The following GNAQ variants were observed in gnomAD, a reference collection of about 807,000 sequenced individuals.
GNAQ encodes the protein guanine nucleotide-binding protein G(q) subunit alpha.
A neutral mutation model predicts 43.9 loss-of-function variants in GNAQ; 8 were observed. The ratio of observed to expected loss-of-function variants is 0.18; its 90% CI spans 0.11 to 0.33. The LOEUF is 0.33. Among genes scored for constraint, GNAQ ranks in the 10% least tolerant of loss-of-function variants. The probability of loss-of-function intolerance (pLI) is 1.00; values close to 1 mark genes in which losing one functional copy is unlikely to be tolerated. For synonymous variants in GNAQ, 155 were observed against 170.7 expected, an observed-to-expected ratio of 0.91 and a Z score of 0.71; for missense variants, 158 against 450.8, an observed-to-expected ratio of 0.35 and a Z score of 5.88.
At chr9:78,009,472 A>C (rs1219965592) in intron 1 of GNAQ, among the ~76,000 whole-genome samples, 1 of 152,212 alleles carries the variant, frequency 6.6e-6, no homozygotes, top group Non-Finnish European at 1.5e-5. Flanking sequence ...CAAGTGGTGA[A>C]GTCAAATGTG....
At chr9:77,881,294 C>T (rs28449761) in intron 2 of GNAQ, among the ~76,000 whole-genome samples, 1,995 of 152,326 alleles carry the variant, frequency 0.013, 56 homozygotes, top group African/African-American at 0.046. Flanking sequence ...TGTTCACTGA[C>T]GTATCCCAAG....
chr9:77,868,267 T>C (rs562365775), intron 2 of GNAQ, among the ~76,000 whole-genome samples: 9 of 152,338 alleles, frequency 5.9e-5, no homozygotes, highest in South Asian at 2.1e-4. Context: ...ACATTCTTGG[T>C]GTTCAGTATT....
intron 2 of GNAQ, among the ~76,000 whole-genome samples, chr9:77,896,960 C>T (rs1216406939): frequency 6.6e-6 from 1 of 152,208 alleles, no homozygotes; most frequent in African/African-American, 2.4e-5. Context: ...TTTTGTCCTC[C>T]AGAAGTTATC....
At chr9:77,806,812 A>G (rs1209606791) in intron 3 of GNAQ, among the ~76,000 whole-genome samples, 1 of 152,256 alleles carries the variant, frequency 6.6e-6, no homozygotes, top group Non-Finnish European at 1.5e-5. Flanking sequence ...CAAAGAAAAA[A>G]GGACACAAAT....
intron 1 of GNAQ, among the ~76,000 whole-genome samples, chr9:77,996,624 G>A (rs534347030): frequency 6.9e-6 from 1 of 143,924 alleles, no homozygotes; most frequent in African/African-American, 2.6e-5. Context: ...CTTGCAGTGA[G>A]CTGAGATCGC....
intron 2 of GNAQ, among the ~76,000 whole-genome samples, chr9:77,850,416 G>A (rs2117921448): frequency 6.6e-6 from 1 of 152,120 alleles, no homozygotes; most frequent in East Asian, 1.9e-4. Flanking sequence ...CTGGGTCTGG[G>A]CCTCATTCTC....
chr9:77,811,748 C>G (rs2118500724), intron 3 of GNAQ, among the ~76,000 whole-genome samples: 1 of 152,290 alleles, frequency 6.6e-6, no homozygotes, highest in South Asian at 2.1e-4. Context: ...CTCGGGCCTC[C>G]TGGCACAGTG....
rs978526431 is a variant in GNAQ at position 77,931,517 on chromosome 9, G to A, written c.137-9172C>T. Reference sequence around the variant, plus strand: ...GAGGCAGGAGGATGGCGTGAGCCCCGGAGACGTAGTATACAGTGAGCCGAG... The same window carrying A: ...GAGGCAGGAGGATGGCGTGAGCCCCAGAGACGTAGTATACAGTGAGCCGAG... On this transcript the variant is annotated intron_variant, in intron 1 of 6. Transcript: ENST00000286548. Among the ~76,000 whole-genome samples, 12 of 152,020 alleles carry A rather than the reference G, an allele frequency of 7.9e-5. No individual in the cohort carries two copies. In the East Asian group the frequency reaches 1.2e-3, roughly 15 times the overall value.
intron 2 of GNAQ, among the ~76,000 whole-genome samples, chr9:77,837,992 G>T (rs749480121): frequency 1.5e-4 from 23 of 152,002 alleles, no homozygotes; most frequent in Non-Finnish European, 2.2e-4. Context: ...TGAGTAGCTG[G>T]AACTACAGGT....
At chr9:78,016,863 G>A (rs1224305414) in intron 1 of GNAQ, among the ~76,000 whole-genome samples, 1 of 152,048 alleles carries the variant, frequency 6.6e-6, no homozygotes, top group Non-Finnish European at 1.5e-5. Context: ...TCAATAAAAT[G>A]CAAATAAACA....
intron 1 of GNAQ, among the ~76,000 whole-genome samples, chr9:77,965,996 T>C (rs1823162696): frequency 6.6e-6 from 1 of 152,050 alleles, no homozygotes; most frequent in South Asian, 2.1e-4. Flanking sequence ...AAAATATGTC[T>C]CAGCAAAAAG....
intron 5 of GNAQ, among the ~76,000 whole-genome samples, chr9:77,753,857 A>G (rs1408575405): frequency 1.3e-5 from 2 of 152,186 alleles, no homozygotes; most frequent in East Asian, 3.9e-4. Context: ...AAAGCTCATA[A>G]GACAGTGGGA....
chr9:77,833,049 CT>C lies in GNAQ; in HGVS notation c.322-17280del, dbSNP rs575027977. ...AGGCACGATCTCGGCTCACTGCAAC[CT>C]CTGCCTCCCGGGTTCAAGCAATTCT... On this transcript the variant is annotated intron_variant, in intron 2 of 6. Coordinates refer to ENST00000286548, the MANE Select transcript of GNAQ (RefSeq NM_002072.5). 7.0e-3 allele frequency among the ~76,000 whole-genome samples: 1,064 copies of C among 152,302 alleles called. 17 individuals are homozygous for C. The highest frequency in any genetic ancestry group is 9.6e-3 in the Non-Finnish European group (652 of 68,022).
At chr9:77,760,633 T>C (rs998370952) in intron 5 of GNAQ, among the ~76,000 whole-genome samples, 9 of 152,068 alleles carry the variant, frequency 5.9e-5, no homozygotes, top group Admixed American at 1.3e-4. Context: ...CGCCACCCCG[T>C]CTAGGAAGTG....
intron 5 of GNAQ, among the ~76,000 whole-genome samples, chr9:77,739,421 G>A (rs1192934318): frequency 2.0e-5 from 3 of 152,138 alleles, no homozygotes; most frequent in African/African-American, 7.2e-5. Flanking sequence ...TTTGTATGCA[G>A]TCTTTATATA....
chr9:77,803,702 A>T (rs949205149), intron 3 of GNAQ, among the ~76,000 whole-genome samples: 1 of 152,262 alleles, frequency 6.6e-6, no homozygotes, highest in Non-Finnish European at 1.5e-5. Context: ...ACATAAAAAC[A>T]AGAATGGTGA....
At chr9:77,872,600 A>G (rs1047254191) in intron 2 of GNAQ, among the ~76,000 whole-genome samples, 3 of 152,172 alleles carry the variant, frequency 2.0e-5, no homozygotes, top group Non-Finnish European at 4.4e-5. Flanking sequence ...GCAGATTTTA[A>G]CACATCTCAG....
Position 77,719,446 on chromosome 9 carries a change from T to C in GNAQ, c.*1877A>G, listed in dbSNP as rs574101952. 4.3e-5 allele frequency: 10 copies of C among 232,674 alleles called. No homozygotes were observed. The South Asian group carries it at 1.8e-3, about 42-fold the overall frequency. The allele number at this position is 232,674 out of a possible 1,614,324, so 14.4% of individuals were successfully genotyped here. On this transcript the variant is annotated 3_prime_UTR_variant, in exon 7 of 7. Coordinates refer to ENST00000286548, the MANE Select transcript of GNAQ (RefSeq NM_002072.5). Reference sequence around the variant, plus strand: ...CTTTCTGAGCAAGGGAAAAAAAAAGTAAGCTGTGTTGTTTGAGGCTGGGAG... The same window carrying C: ...CTTTCTGAGCAAGGGAAAAAAAAAGCAAGCTGTGTTGTTTGAGGCTGGGAG...
At chr9:78,026,030 A>G (rs1823975284) in intron 1 of GNAQ, among the ~76,000 whole-genome samples, 1 of 152,224 alleles carries the variant, frequency 6.6e-6, no homozygotes, top group African/African-American at 2.4e-5. Context: ...AAAACTGAAC[A>G]TAAGCCATTT....
Sources: allele counts gnomAD v4.1 joint callset (sites outside exome capture counted in the v4.1 genomes callset), GRCh38; gene constraint gnomAD v4.1.1; transcripts MANE v1.5; gene names NCBI Gene and HGNC (gene_info 2026-07-23, HGNC 2026-07-21).